TBC1D31: variants seen among roughly 807,000 people sequenced by gnomAD.
The protein encoded by TBC1D31 is WD repeat domain 67.
TBC1D31 carries 99 observed loss-of-function variants against 132.9 expected under a neutral mutation model. The ratio of observed to expected loss-of-function variants is 0.74; its 90% CI spans 0.63 to 0.88. The LOEUF (loss-of-function observed/expected upper bound fraction) is 0.88. Among genes scored for constraint, TBC1D31 ranks in the 40% least tolerant of loss-of-function variants. The pLI is 0.00. For missense variants in TBC1D31, 1,134 were observed against 1,256.6 expected (o/e 0.90, Z 1.48); for synonymous variants, 385 against 419.4 (o/e 0.92, Z 1.00).
rs1814623327 is a variant in TBC1D31, at chr8:123,077,254, A to C, written c.221A>C (p.Asn74Thr). 6.2e-7 allele frequency: 1 copy of C among 1,609,528 alleles called. No individual in the cohort carries two copies. The highest frequency in any genetic ancestry group is 8.5e-7 in the Non-Finnish European group (1 of 1,178,464). The change falls in exon 2 of 22, where the codon AAC becomes ACC. Residue 74 changes from asparagine (N) to threonine (T), a missense_variant. Physicochemically the swap from Asn to Thr is moderately conservative, Grantham distance 65. Coordinates refer to ENST00000287380, the MANE Select transcript of TBC1D31 (RefSeq NM_145647.4). ...ATTTATGTTTTTGACTTACATGGAAACAGGTAAGCAGATACCATTGATATC... is the reference window on the plus strand; with the variant it reads ...ATTTATGTTTTTGACTTACATGGAACCAGGTAAGCAGATACCATTGATATC... ...GNIYVFDLHG[N>T]RFNLVQRTAQ...
chr8:123,113,819 A>G (rs1818670137), intron 10 of TBC1D31, among the ~76,000 whole-genome samples: 1 of 152,194 alleles, frequency 6.6e-6, no homozygotes, highest in African/African-American at 2.4e-5. Flanking sequence ...TGTTTCTACT[A>G]AAATTCAAAA....
At chr8:123,159,278 AAAAAAG>A in the TBC1D31 span, among the ~76,000 whole-genome samples, 102 of 120,418 alleles carry the variant, frequency 8.5e-4, no homozygotes, top group African/African-American at 2.8e-3. Flanking sequence ...GAAAAAAAAA[AAAAAAG>A]AAAAAGAAAA....
chr8:123,073,285 T>C lies in TBC1D31; in HGVS notation c.77+439T>C, dbSNP rs111611319. 2.5e-3 allele frequency: 1,142 copies of C among 459,770 alleles called. 10 individuals are homozygous for C. The highest frequency in any genetic ancestry group is 0.021 in the African/African-American group (1,035 of 50,366). The allele number at this position is 459,770 out of a possible 1,614,324, so 28.5% of individuals were successfully genotyped here. A position where few individuals can be genotyped will look rare whatever the true frequency, so the allele number is the denominator to read the frequency against. On this transcript the variant is annotated intron_variant, in intron 1 of 21. Coordinates refer to ENST00000287380, the MANE Select transcript of TBC1D31 (RefSeq NM_145647.4). ...TCTTCCAAAGGCTGCAGTTTATCCA[T>C]CCTTAAATCCTTGGATGTGTTTAGA...
intron 10 of TBC1D31, among the ~76,000 whole-genome samples, chr8:123,110,312 G>C (rs1364506594): frequency 1.3e-5 from 2 of 152,092 alleles, no homozygotes; most frequent in Non-Finnish European, 2.9e-5. Context: ...GCATATGCTA[G>C]AGTCCATTCC....
chr8:123,077,016 A>C, intron 1 of TBC1D31, 95 bp from the exon 2 acceptor site: 1 of 1,218,734 alleles, frequency 8.2e-7, no homozygotes, highest in Admixed American at 2.5e-5. Flanking sequence ...AGGAGAGGGA[A>C]GAATGAACAG....
intron 7 of TBC1D31, among the ~76,000 whole-genome samples, chr8:123,101,272 A>T (rs1817390771): frequency 6.6e-6 from 1 of 152,082 alleles, no homozygotes; most frequent in South Asian, 2.1e-4. Flanking sequence ...TTCCCAAAAG[A>T]GTTCTTTCTG....
At chr8:123,149,662 C>G (rs901802735) in intron 20 of TBC1D31, among the ~76,000 whole-genome samples, 3 of 152,218 alleles carry the variant, frequency 2.0e-5, no homozygotes, top group African/African-American at 7.2e-5. Flanking sequence ...ATGGCTGGCT[C>G]TGATTTGCTG....
At chr8:123,129,359 T>A in intron 15 of TBC1D31, 141 bp downstream of exon 15, 1 of 537,120 alleles carries the variant, frequency 1.9e-6, no homozygotes, top group Non-Finnish European at 3.0e-6. Context: ...AACTATTAAG[T>A]TAATAAAAAG....
downstream of TBC1D31, among the ~76,000 whole-genome samples, chr8:123,152,960 C>G (rs1822891466): frequency 6.6e-6 from 1 of 152,148 alleles, no homozygotes; most frequent in Non-Finnish European, 1.5e-5. Context: ...ATTATTTTTT[C>G]TGGGGCCACG....
At chr8:123,129,456 G>A (rs941706697) in intron 15 of TBC1D31, among the ~76,000 whole-genome samples, 7 of 152,160 alleles carry the variant, frequency 4.6e-5, no homozygotes, top group Non-Finnish European at 1.0e-4. Context: ...AGCTTTGCAT[G>A]GATTAATGTT....
At chr8:123,087,246 T>G (rs6994515) in intron 4 of TBC1D31, among the ~76,000 whole-genome samples, 16,483 of 152,094 alleles carry the variant, frequency 0.11, 1,352 homozygotes, top group African/African-American at 0.22. Flanking sequence ...GGTTTTCAGG[T>G]TTTTTTTCTT....
chr8:123,077,147 C>T lies in TBC1D31; in HGVS notation c.114C>T (p.Tyr38=). Residue 38 remains tyrosine (Y), a synonymous_variant, in exon 2 of 22, where the codon TAC becomes TAT. Coordinates refer to ENST00000287380, the MANE Select transcript of TBC1D31 (RefSeq NM_145647.4). ...ACATTATTCACAACACTTCCGATTA[C>T]CATCCAAAAGTTTTGCGATTTTTGA... ...IVNIIHNTSD[Y]HPKVLRFLNV... 6.2e-7 allele frequency: 1 copy of T among 1,611,986 alleles called. No individual in the cohort carries two copies. The highest frequency in any genetic ancestry group is 8.5e-7 in the Non-Finnish European group (1 of 1,179,158).
chr8:123,097,397 C>A lies in TBC1D31; in HGVS notation c.787C>A (p.His263Asn). 1 of 1,614,178 alleles carries A rather than the reference C, an allele frequency of 6.2e-7. No individual in the cohort carries two copies. ...QMPTKVRAIR[H>N]LEFLPDSFDA... Reference sequence around the variant, plus strand: ...GCCCACTAAAGTTCGAGCCATTCGCCATCTGGAATTTCTTCCTGATAGTTT... The same window carrying A: ...GCCCACTAAAGTTCGAGCCATTCGCAATCTGGAATTTCTTCCTGATAGTTT... Residue 263 changes from histidine (H) to asparagine (N), a missense_variant, in exon 6 of 22, where the codon CAT becomes AAT. Coordinates refer to ENST00000287380, the MANE Select transcript of TBC1D31 (RefSeq NM_145647.4).
At chr8:123,081,514 A>T (rs1319772772) in intron 2 of TBC1D31, among the ~76,000 whole-genome samples, 2 of 152,260 alleles carry the variant, frequency 1.3e-5, no homozygotes, top group African/African-American at 4.8e-5. Context: ...TATGATAAAA[A>T]GTGTAAAATA....
In TBC1D31 at chr8:123,100,857, G is replaced by C. The variant is rs950246846; in HGVS notation, c.882G>C (p.Gln294His). The C allele has an allele frequency of 6.2e-6, 10 of 1,613,908 alleles. No homozygotes were observed. Among genetic ancestry groups the C allele is most frequent in the Non-Finnish European group, 5.9e-6 (7 of 1,179,926 alleles). Residue 294 changes from glutamine (Q) to histidine (H), a missense_variant, in exon 7 of 22, where the codon CAG becomes CAC. By Grantham distance (24) the Gln-to-His change is conservative. Coordinates refer to ENST00000287380, the MANE Select transcript of TBC1D31 (RefSeq NM_145647.4). ...QDGIMRFINM[Q>H]TCKLLFEIGS... ...GTATTATGAGATTTATCAATATGCAGACTTGTAAACTTCTCTTTGAGATTG... is the reference window on the plus strand; with the variant it reads ...GTATTATGAGATTTATCAATATGCACACTTGTAAACTTCTCTTTGAGATTG...
chr8:123,130,987 T>C (rs1820564527), intron 16 of TBC1D31, among the ~76,000 whole-genome samples: 1 of 152,070 alleles, frequency 6.6e-6, no homozygotes, highest in South Asian at 2.1e-4. Context: ...AGTATAAAAA[T>C]AATTTCCAGT....
chr8:123,130,208 G>A lies in TBC1D31; in HGVS notation c.2281G>A (p.Val761Met), dbSNP rs763798008. ...TATTTTGTATTTAAGGCTAGCTGCTGTGAAAAGAGAGCTGAAAGTAAAGGA... is the reference window on the plus strand; with the variant it reads ...TATTTTGTATTTAAGGCTAGCTGCTATGAAAAGAGAGCTGAAAGTAAAGGA... ...MIQQRQRLAA[V>M]KRELKVKEMH... The change falls in exon 16 of 22, where the codon GTG (valine) becomes ATG (methionine). Residue 761 changes from valine (V) to methionine (M), a missense_variant. Coordinates refer to ENST00000287380, the MANE Select transcript of TBC1D31 (RefSeq NM_145647.4). 1.2e-6 allele frequency: 2 copies of A among 1,609,920 alleles called. No homozygotes were observed. The highest frequency in any genetic ancestry group is 1.7e-6 in the Non-Finnish European group (2 of 1,178,154).
In TBC1D31 at chr8:123,114,789, T is replaced by C. The variant is rs561660755; in HGVS notation, c.1436+5169T>C. On this transcript the variant is annotated intron_variant, in intron 10 of 21. Transcript: ENST00000287380. ...CTAGAGGTAATTGTTTGGTTTACTT[T>C]TGTATAGATATTTTTGTATGTATAT... 9.2e-5 allele frequency among the ~76,000 whole-genome samples: 14 copies of C among 152,360 alleles called. 1 individual carries two copies. Among genetic ancestry groups the C allele is most frequent in the African/African-American group, 3.4e-4 (14 of 41,576 alleles).
rs1816567961 is a variant in TBC1D31 at position 123,093,689 on chromosome 8, G to C, written c.618G>C (p.Leu206Phe). The change falls in exon 5 of 22, where the codon TTG becomes TTC. Residue 206 changes from leucine (L) to phenylalanine (F), a missense_variant. Coordinates refer to ENST00000287380, the MANE Select transcript of TBC1D31 (RefSeq NM_145647.4). Reference sequence around the variant, plus strand: ...ACACACTTTTTTGCAAATATCAATTGCCAGCTCCACCTGAAAGCTCTAGTA... The same window carrying C: ...ACACACTTTTTTGCAAATATCAATTCCCAGCTCCACCTGAAAGCTCTAGTA... ...ECDTLFCKYQ[L>F]PAPPESSSIL... is the part of the protein sequence containing the mutation. 1.9e-6 allele frequency: 3 copies of C among 1,611,016 alleles called. No individual in the cohort carries two copies. In the East Asian group the frequency reaches 6.7e-5, roughly 36 times the overall value.
Sources: gnomAD v4.1 joint callset for allele counts (sites outside exome capture counted in the v4.1 genomes callset) on GRCh38, gnomAD v4.1.1 for gene constraint, MANE v1.5 for transcripts, NCBI Gene and HGNC (gene_info 2026-07-23, HGNC 2026-07-21) for gene names.